MGAT4A: variants seen among roughly 807,000 people sequenced by gnomAD.
MGAT4A encodes the protein N-acetylglucosaminyltransferase IVa.
MGAT4A carries 33 observed loss-of-function variants against 74.1 expected under a neutral mutation model. That is an observed-to-expected ratio of 0.45 (90% confidence interval 0.34 to 0.60). The LOEUF (loss-of-function observed/expected upper bound fraction) is 0.60, where lower values mean the gene tolerates loss of function less well. Among genes scored for constraint, MGAT4A ranks in the 20% least tolerant of loss-of-function variants. The pLI, the probability that MGAT4A is intolerant of heterozygous loss-of-function variation, is 0.02. For missense variants in MGAT4A, 479 were observed against 628.3 expected (o/e 0.76, Z 2.54); for synonymous variants, 198 against 210.4 (o/e 0.94, Z 0.51).
chr2:98,693,728 GAAA>G (rs1702226237), intron 2 of MGAT4A, among the ~76,000 whole-genome samples: 1 of 150,658 alleles, frequency 6.6e-6, no homozygotes, highest in Non-Finnish European at 1.5e-5. Flanking sequence ...GACTTTAAAG[GAAA>G]TAGTTTCATA....
intron 2 of MGAT4A, among the ~76,000 whole-genome samples, chr2:98,725,580 A>T (rs1354914199): frequency 6.6e-6 from 1 of 151,880 alleles, no homozygotes; most frequent in Non-Finnish European, 1.5e-5. Flanking sequence ...GAGACAAGTA[A>T]GAAGTATGGG....
chr2:98,663,036 A>T lies in MGAT4A; in HGVS notation c.537+10T>A. The T allele has an allele frequency of 6.8e-7, 1 of 1,474,254 alleles. No homozygotes were observed. The highest frequency in any genetic ancestry group is 1.5e-5 in the South Asian group (1 of 68,080). 91.3% of individuals were successfully genotyped at this position (1,474,254 alleles called of 1,614,324 possible). ...ATTTGGTAAAAACATAACAACAATT[A>T]AATAATTACCTCTCCTATGAAGACT... is the stretch of plus-strand genomic sequence containing the variant. On this transcript the variant is annotated intron_variant, in intron 5 of 15. Transcript: ENST00000393487.
At chr2:98,674,282 T>G (rs1259529281) in intron 4 of MGAT4A, among the ~76,000 whole-genome samples, 1 of 152,172 alleles carries the variant, frequency 6.6e-6, no homozygotes, top group Non-Finnish European at 1.5e-5. Context: ...TGTTAAAAAC[T>G]TACAGAAGAA....
chr2:98,702,949 C>A (rs1702372601), intron 2 of MGAT4A, among the ~76,000 whole-genome samples: 1 of 152,048 alleles, frequency 6.6e-6, no homozygotes, highest in Non-Finnish European at 1.5e-5. Context: ...CAATATATTA[C>A]CTAAAATATA....
chr2:98,687,022 C>T (rs922968875), intron 2 of MGAT4A, among the ~76,000 whole-genome samples: 3 of 152,068 alleles, frequency 2.0e-5, no homozygotes, highest in Non-Finnish European at 4.4e-5. Context: ...TGTATTCAAC[C>T]TGACTTTTTA....
intron 2 of MGAT4A, among the ~76,000 whole-genome samples, chr2:98,708,138 G>GTT (rs200805891): frequency 2.1e-4 from 31 of 145,526 alleles, no homozygotes; most frequent in Non-Finnish European, 3.2e-4. Context: ...AGTGAGCTCA[G>GTT]TTTTTTTTTT....
At chr2:98,674,244 A>C (rs1053730517) in intron 4 of MGAT4A, among the ~76,000 whole-genome samples, 1 of 152,240 alleles carries the variant, frequency 6.6e-6, no homozygotes, top group African/African-American at 2.4e-5. Context: ...ATGAATCTTG[A>C]TATCTATGAA....
At chr2:98,696,917 T>C (rs925246818) in intron 2 of MGAT4A, among the ~76,000 whole-genome samples, 6 of 152,228 alleles carry the variant, frequency 3.9e-5, no homozygotes, top group Admixed American at 3.9e-4. Flanking sequence ...ATGTAAATTG[T>C]AGTAACAATG....
Position 98,619,254 on chromosome 2 carries a change from T to C in MGAT4A, c.*6312A>G, listed in dbSNP as rs1575234526. 2 of 152,672 alleles carry C rather than the reference T, an allele frequency of 1.3e-5. No homozygotes were observed. The highest frequency in any genetic ancestry group is 2.1e-4 in the South Asian group (1 of 4,826). 9.5% of individuals were successfully genotyped at this position (152,672 alleles called of 1,614,324 possible). A position where few individuals can be genotyped will look rare whatever the true frequency, so the allele number is the denominator to read the frequency against. Reference sequence around the variant, plus strand: ...GGACCAGTTACTAGGTTTTCAATTATAGCAGCAAATCTGAAAATAAATAAT... The same window carrying C: ...GGACCAGTTACTAGGTTTTCAATTACAGCAGCAAATCTGAAAATAAATAAT... On this transcript the variant is annotated 3_prime_UTR_variant, in exon 16 of 16. Coordinates refer to ENST00000393487, the MANE Select transcript of MGAT4A (RefSeq NM_012214.3).
chr2:98,641,182 C>T (rs1411488880), intron 10 of MGAT4A, among the ~76,000 whole-genome samples: 1 of 147,638 alleles, frequency 6.8e-6, no homozygotes, highest in Non-Finnish European at 1.5e-5. Flanking sequence ...CAATAACTTA[C>T]AAAAGTTTGG....
At chr2:98,640,255 T>C in intron 10 of MGAT4A, 27 bp from the exon 11 acceptor site, 1 of 1,549,254 alleles carries the variant, frequency 6.5e-7, no homozygotes, top group South Asian at 1.2e-5. Context: ...ATCACGTTAG[T>C]GTTGCATCAT....
At position 98,688,686 on chromosome 2, in the gene MGAT4A, C is replaced by T. The variant is rs182918706; in HGVS notation, c.95-10215G>A. On this transcript the variant is annotated intron_variant, in intron 2 of 15. Transcript: ENST00000393487. ...CCTACAGCCACAAGGAAATGACTTC[C>T]GCCAACAGTCTGGATAAGCTTGGGA... 1.6e-4 allele frequency among the ~76,000 whole-genome samples: 24 copies of T among 152,258 alleles called. No individual in the cohort carries two copies. In the East Asian group the frequency reaches 3.9e-3, roughly 24 times the overall value.
intron 2 of MGAT4A, among the ~76,000 whole-genome samples, chr2:98,686,912 G>T (rs1285900895): frequency 6.6e-6 from 1 of 152,114 alleles, no homozygotes; most frequent in Non-Finnish European, 1.5e-5. Flanking sequence ...ATAATAAAAT[G>T]AGGAACTATA....
intron 14 of MGAT4A, among the ~76,000 whole-genome samples, chr2:98,627,807 G>C (rs1423440615): frequency 6.6e-6 from 1 of 152,222 alleles, no homozygotes; most frequent in African/African-American, 2.4e-5. Flanking sequence ...GAACTGCTGT[G>C]TGGCAGGGCA....
At chr2:98,690,149 C>T (rs143464819) in intron 2 of MGAT4A, among the ~76,000 whole-genome samples, 2 of 152,358 alleles carry the variant, frequency 1.3e-5, no homozygotes, top group East Asian at 3.9e-4. Context: ...CATCCCCACT[C>T]TATCAGCAAT....
At chr2:98,681,043 C>T (rs888436807) in intron 2 of MGAT4A, among the ~76,000 whole-genome samples, 9 of 152,144 alleles carry the variant, frequency 5.9e-5, no homozygotes, top group African/African-American at 1.7e-4. Context: ...AGTGCAGTGG[C>T]GCGATCTCAG....
chr2:98,714,536 C>A (rs956545454), intron 2 of MGAT4A, among the ~76,000 whole-genome samples: 1 of 152,170 alleles, frequency 6.6e-6, no homozygotes, highest in African/African-American at 2.4e-5. Context: ...GGATGCTATG[C>A]ACGCACACAT....
chr2:98,655,646 A>G, intron 7 of MGAT4A, 126 bp from the exon 8 acceptor site: 2 of 589,940 alleles, frequency 3.4e-6, no homozygotes, highest in South Asian at 2.3e-5. Flanking sequence ...ACACACACAC[A>G]TACACACACA....
At position 98,622,027 on chromosome 2, in the gene MGAT4A, C is replaced by T; in HGVS notation, c.*3539G>A. 1.0e-6 allele frequency: 1 copy of T among 987,212 alleles called. No homozygotes were observed. Among genetic ancestry groups the T allele is most frequent in the Non-Finnish European group, 1.2e-6 (1 of 831,226 alleles). 61.2% of individuals were successfully genotyped at this position (987,212 alleles called of 1,614,324 possible). A position where few individuals can be genotyped will look rare whatever the true frequency, so the allele number is the denominator to read the frequency against. ...TTTTCAATCACACTGTCTGTTCTGA[C>T]TACACAGTATGGTACAGCGCGTGAT... is the stretch of plus-strand genomic sequence containing the variant. On this transcript the variant is annotated 3_prime_UTR_variant, in exon 16 of 16. Coordinates refer to ENST00000393487, the MANE Select transcript of MGAT4A (RefSeq NM_012214.3).
Sources: allele counts gnomAD v4.1 joint callset (sites outside exome capture counted in the v4.1 genomes callset), GRCh38; gene constraint gnomAD v4.1.1; transcripts MANE v1.5; gene names NCBI Gene and HGNC (gene_info 2026-07-23, HGNC 2026-07-21).